The following PLCB1 variants were observed in gnomAD, a reference collection of about 807,000 sequenced individuals.
PLCB1 encodes the protein 1-phosphatidylinositol 4,5-bisphosphate phosphodiesterase beta-1.
Under a neutral mutation model 161.8 loss-of-function variants are expected in PLCB1, and 46 were observed. The observed-to-expected ratio is 0.28, with a 90% CI of 0.22 to 0.36. The LOEUF is 0.36. PLCB1 is among the 10% of genes least tolerant of loss of function. PLCB1 has a pLI of 1.00. For synonymous variants in PLCB1, 517 were observed against 503.7 expected, an observed-to-expected ratio of 1.03 and a Z score of -0.35; for missense variants, 1,016 against 1,472.5, an observed-to-expected ratio of 0.69 and a Z score of 5.07.
chr20:8,797,221 T>C (rs1299677972), intron 31 of PLCB1, among the ~76,000 whole-genome samples: 1 of 152,318 alleles, frequency 6.6e-6, no homozygotes, highest in East Asian at 1.9e-4. Context: ...GATGATAATT[T>C]ATATTCCCCC....
intron 3 of PLCB1, among the ~76,000 whole-genome samples, chr20:8,465,160 T>G (rs531320475): frequency 6.6e-6 from 1 of 152,092 alleles, no homozygotes; most frequent in Admixed American, 6.6e-5. Flanking sequence ...ATATTATATA[T>G]TTTCATGGAA....
intron 4 of PLCB1, among the ~76,000 whole-genome samples, chr20:8,632,025 G>GT (rs1257156959): frequency 2.0e-4 from 16 of 79,836 alleles, no homozygotes; most frequent in East Asian, 1.1e-3. Flanking sequence ...ACAAATATGG[G>GT]TTTTTTTTGC....
intron 2 of PLCB1, among the ~76,000 whole-genome samples, chr20:8,241,647 G>A (rs1219132544): frequency 1.3e-5 from 2 of 151,802 alleles, no homozygotes; most frequent in Admixed American, 6.6e-5. Flanking sequence ...AACCCATGTT[G>A]TAAGTCTTGT....
intron 31 of PLCB1, among the ~76,000 whole-genome samples, chr20:8,873,576 G>T (rs1363887192): frequency 6.6e-6 from 1 of 151,896 alleles, no homozygotes; most frequent in African/African-American, 2.4e-5. Flanking sequence ...GTGAGAAATA[G>T]AATAAATAAA....
intron 31 of PLCB1, among the ~76,000 whole-genome samples, chr20:8,874,810 T>C (rs1019618219): frequency 3.3e-5 from 5 of 152,016 alleles, no homozygotes; most frequent in African/African-American, 1.2e-4. Context: ...AATAAATATC[T>C]TAGTGTATTC....
chr20:8,602,618 A>C (rs1987626251), intron 3 of PLCB1, among the ~76,000 whole-genome samples: 1 of 152,206 alleles, frequency 6.6e-6, no homozygotes, highest in Non-Finnish European at 1.5e-5. Flanking sequence ...AAGGGCAAGC[A>C]GAGTGAGTGC....
chr20:8,539,654 TTCTTTCTTTCTTTCTTTCTTTCTTTC>T lies in PLCB1; in HGVS notation c.247-88638_247-88613del, dbSNP rs1487745931. Among the ~76,000 whole-genome samples the T allele has an allele frequency of 1.3e-4, 12 of 92,942 alleles. No homozygotes were observed. The East Asian group carries it at 1.9e-3, about 15-fold the overall frequency. The allele number at this position is 92,942 out of a possible 152,430, so 61.0% of individuals were successfully genotyped here. On this transcript the variant is annotated intron_variant, in intron 3 of 31. Transcript: ENST00000338037. Reference sequence around the variant, plus strand: ...TTTCTTTCTTTCTTTCTTTCTTTCTTTCTTTCTTTCTTTCTTTCTTTCTTTCTTTCTTTTTCTTTTTCCTTCCTTCC... The same window carrying T: ...TTTCTTTCTTTCTTTCTTTCTTTCTTTTTCTTTTTCTTTTTCCTTCCTTCC...
At chr20:8,630,806 T>A (rs1988562397) in intron 4 of PLCB1, among the ~76,000 whole-genome samples, 1 of 152,174 alleles carries the variant, frequency 6.6e-6, no homozygotes, top group African/African-American at 2.4e-5. Flanking sequence ...ATATTACACA[T>A]CAATCTGCAT....
chr20:8,672,767 A>G (rs1989980890), intron 9 of PLCB1, among the ~76,000 whole-genome samples: 1 of 152,140 alleles, frequency 6.6e-6, no homozygotes, highest in South Asian at 2.1e-4. Context: ...TACTGAGCTC[A>G]GAAATTTCAG....
At chr20:8,293,629 T>C (rs1983488162) in intron 2 of PLCB1, among the ~76,000 whole-genome samples, 1 of 149,132 alleles carries the variant, frequency 6.7e-6, no homozygotes, top group South Asian at 2.1e-4. Context: ...TTTTTAGCAT[T>C]GCTTTTGTAT....
At chr20:8,677,142 C>A (rs12053584) in intron 9 of PLCB1, among the ~76,000 whole-genome samples, 7,819 of 152,056 alleles carry the variant, frequency 0.051, 263 homozygotes, top group East Asian at 0.13. Context: ...GCCTGTAATC[C>A]CAGCAATTTG....
At chr20:8,875,938 T>G (rs6039312) in intron 31 of PLCB1, among the ~76,000 whole-genome samples, 69,287 of 151,944 alleles carry the variant, frequency 0.46, 17,130 homozygotes, top group East Asian at 0.79. Context: ...TCCTTAACTA[T>G]ATCAAATCTC....
chr20:8,747,504 A>G (rs1981232122), intron 23 of PLCB1, among the ~76,000 whole-genome samples: 1 of 152,210 alleles, frequency 6.6e-6, no homozygotes, highest in Non-Finnish European at 1.5e-5. Context: ...GATGTTGAAA[A>G]GGAAAAGTTG....
At chr20:8,286,779 T>C (rs1199542437) in intron 2 of PLCB1, among the ~76,000 whole-genome samples, 2 of 152,168 alleles carry the variant, frequency 1.3e-5, no homozygotes, top group Non-Finnish European at 2.9e-5. Flanking sequence ...AAAGAGAGGA[T>C]CTCCTTATAG....
In PLCB1 at chr20:8,722,476, G is replaced by T. The variant is rs1181440835; in HGVS notation, c.1581+55G>T. ...GCATTCCACCACCCTGTACTCTCCT[G>T]GGTCTGTCTCATGGTCACTTTCTGC... On this transcript the variant is annotated intron_variant, in intron 15 of 31. Coordinates refer to ENST00000338037, the MANE Select transcript of PLCB1 (RefSeq NM_015192.4). 6 of 1,287,416 alleles carry T rather than the reference G, an allele frequency of 4.7e-6. No individual in the cohort carries two copies. The Admixed American group carries it at 1.3e-4, about 28-fold the overall frequency. The allele number at this position is 1,287,416 out of a possible 1,614,324, so 79.7% of individuals were successfully genotyped here.
chr20:8,140,741 A>G (rs2051393856), intron 1 of PLCB1, among the ~76,000 whole-genome samples: 1 of 152,228 alleles, frequency 6.6e-6, no homozygotes, highest in Non-Finnish European at 1.5e-5. Flanking sequence ...CCAGTCTACC[A>G]TGATGTCCCC....
At chr20:8,795,463 T>C (rs6140722) in intron 31 of PLCB1, among the ~76,000 whole-genome samples, 104,187 of 152,088 alleles carry the variant, frequency 0.69, 35,872 homozygotes, top group Non-Finnish European at 0.71. Flanking sequence ...AGTAGAGTTC[T>C]GAATTCTGGA....
chr20:8,578,543 T>A (rs987721927), intron 3 of PLCB1, among the ~76,000 whole-genome samples: 5 of 152,294 alleles, frequency 3.3e-5, no homozygotes, highest in Admixed American at 3.3e-4. Context: ...GTAAACATAT[T>A]AAAGATGAAA....
rs1399615912 is a variant in PLCB1, at chr20:8,180,008, G to A, written c.177+29637G>A. ...CAAGTAGCTGGGACTACAGGTGCCCGCCACTACGCCCGGCTAATTTTTTGT... is the reference window on the plus strand; with the variant it reads ...CAAGTAGCTGGGACTACAGGTGCCCACCACTACGCCCGGCTAATTTTTTGT... On this transcript the variant is annotated intron_variant, in intron 2 of 31. Transcript: ENST00000338037. 2.6e-5 allele frequency among the ~76,000 whole-genome samples: 4 copies of A among 151,312 alleles called. 1 individual carries two copies. Among genetic ancestry groups the A allele is most frequent in the Middle Eastern group, 6.8e-3 (2 of 294 alleles).
Sources: allele counts gnomAD v4.1 joint callset (sites outside exome capture counted in the v4.1 genomes callset), GRCh38; gene constraint gnomAD v4.1.1; transcripts MANE v1.5; gene names NCBI Gene and HGNC (gene_info 2026-07-23, HGNC 2026-07-21).